Variants in TMEM87A observed in about 807,000 individuals in gnomAD.
TMEM87A encodes the protein transmembrane protein 87A.
TMEM87A carries 50 observed loss-of-function variants against 90.0 expected under a neutral mutation model. The ratio of observed to expected loss-of-function variants is 0.56; its 90% confidence interval spans 0.44 to 0.70. TMEM87A has a LOEUF of 0.70. Ranked by LOEUF, TMEM87A falls within the 30% of genes least tolerant of loss-of-function variation. The pLI, the probability that TMEM87A is intolerant of heterozygous loss-of-function variation, is 0.00. For synonymous variants in TMEM87A, 226 were observed against 226.7 expected (o/e 1.00, Z 0.03); for missense variants, 577 against 660.5 (o/e 0.87, Z 1.39).
rs779706409 is a variant in TMEM87A, at chr15:42,257,965, T to A, written c.504+2993A>T. On this transcript the variant is annotated intron_variant, in intron 6 of 19. Transcript: ENST00000389834. ...ACATAAAATTACAAAGGATTTTTAC[T>A]TTTAAGTTATAGAATTAAAAACTTA... 5.9e-4 allele frequency: 576 copies of A among 981,596 alleles called. 1 individual carries two copies. Among genetic ancestry groups the A allele is most frequent in the Non-Finnish European group, 6.7e-4 (557 of 826,554 alleles). The allele number at this position is 981,596 out of a possible 1,614,324, so 60.8% of individuals were successfully genotyped here.
At chr15:42,222,046 C>G (rs2412674) in intron 15 of TMEM87A, among the ~76,000 whole-genome samples, 1 of 152,302 alleles carries the variant, frequency 6.6e-6, no homozygotes, top group East Asian at 1.9e-4. Flanking sequence ...TGAGCCATCA[C>G]GCCTGGCCAA....
intron 7 of TMEM87A, among the ~76,000 whole-genome samples, chr15:42,242,596 G>C (rs1447780008): frequency 1.3e-5 from 2 of 151,948 alleles, no homozygotes; most frequent in East Asian, 3.9e-4. Context: ...CAGACAGAGA[G>C]AATATGCGTG....
intron 6 of TMEM87A, among the ~76,000 whole-genome samples, chr15:42,248,572 T>C (rs942584728): frequency 6.6e-6 from 1 of 152,204 alleles, no homozygotes; most frequent in Non-Finnish European, 1.5e-5. Context: ...TCTGTTTATG[T>C]GATGGATTAC....
intron 6 of TMEM87A, among the ~76,000 whole-genome samples, chr15:42,247,043 A>G (rs2050989316): frequency 3.3e-5 from 2 of 61,002 alleles, no homozygotes; most frequent in Admixed American, 4.6e-4. Flanking sequence ...TCTGATGACC[A>G]GTGATGATGA....
chr15:42,248,406 A>G (rs7163495), intron 6 of TMEM87A, among the ~76,000 whole-genome samples: 109,494 of 152,038 alleles, frequency 0.72, 42,264 homozygotes, highest in Non-Finnish European at 0.86. Flanking sequence ...TCAGTATGAT[A>G]TTGGCTGTGG....
intron 10 of TMEM87A, among the ~76,000 whole-genome samples, chr15:42,233,888 G>A (rs2050728979): frequency 6.6e-6 from 1 of 151,420 alleles, no homozygotes; most frequent in Non-Finnish European, 1.5e-5. Flanking sequence ...TCCCACCTCA[G>A]CCTCCCGAGT....
intron 4 of TMEM87A, chr15:42,262,087 T>G (rs1033532823): frequency 6.6e-6 from 1 of 152,200 alleles, no homozygotes; most frequent in African/African-American, 2.4e-5. Context: ...AATTCAACCC[T>G]GTTACATTAG....
In TMEM87A at chr15:42,265,192, T is replaced by C. The variant is rs190118600; in HGVS notation, c.292-989A>G. ...CATATATGTGCATATGTCTTTACGGTAGAATGATTTATATTACTTTGGATA... is the reference window on the plus strand; with the variant it reads ...CATATATGTGCATATGTCTTTACGGCAGAATGATTTATATTACTTTGGATA... On this transcript the variant is annotated intron_variant, in intron 3 of 19. Transcript: ENST00000389834. 3.8e-3 allele frequency among the ~76,000 whole-genome samples: 582 copies of C among 152,308 alleles called. 3 individuals carry two copies. The highest frequency in any genetic ancestry group is 7.4e-3 in the Admixed American group (113 of 15,304).
chr15:42,256,554 T>C (rs1209120045), intron 6 of TMEM87A, among the ~76,000 whole-genome samples: 2 of 152,236 alleles, frequency 1.3e-5, no homozygotes, highest in African/African-American at 4.8e-5. Flanking sequence ...TATTCCTAAA[T>C]ATTACTTGTG....
intron 15 of TMEM87A, among the ~76,000 whole-genome samples, chr15:42,222,516 A>C (rs2050511006): frequency 6.6e-6 from 1 of 151,772 alleles, no homozygotes; most frequent in Admixed American, 6.6e-5. Flanking sequence ...GAGAGTAGAG[A>C]GCCTAGAATC....
intron 3 of TMEM87A, among the ~76,000 whole-genome samples, chr15:42,267,595 T>C (rs10851407): frequency 0.72 from 109,537 of 152,084 alleles, 42,250 homozygotes; most frequent in Non-Finnish European, 0.86. Context: ...ACAATCCTAC[T>C]CTTCTGTGTG....
Position 42,273,421 on chromosome 15 carries a change from C to A in TMEM87A, c.-23G>T. The A allele has an allele frequency of 6.2e-7, 1 of 1,613,258 alleles. No homozygotes were observed. The highest frequency in any genetic ancestry group is 1.3e-5 in the African/African-American group (1 of 75,042). On this transcript the variant is annotated 5_prime_UTR_variant, in exon 1 of 20. Coordinates refer to ENST00000389834, the MANE Select transcript of TMEM87A (RefSeq NM_015497.5). Reference sequence around the variant, plus strand: ...CATCTTCACAGCCGTGGAGTGCCTACCGAAAGCATTTCACCCTCTTCCGGT... The same window carrying A: ...CATCTTCACAGCCGTGGAGTGCCTAACGAAAGCATTTCACCCTCTTCCGGT...
intron 19 of TMEM87A, among the ~76,000 whole-genome samples, chr15:42,214,755 G>A (rs2050352794): frequency 6.6e-6 from 1 of 152,126 alleles, no homozygotes; most frequent in Admixed American, 6.5e-5. Context: ...ACTCCTAGAA[G>A]ACAACCTAAG....
chr15:42,264,145 T>C lies in TMEM87A; in HGVS notation c.350A>G (p.Lys117Arg). The C allele has an allele frequency of 2.5e-6, 4 of 1,613,886 alleles. No individual in the cohort carries two copies. Among genetic ancestry groups the C allele is most frequent in the Non-Finnish European group, 3.4e-6 (4 of 1,179,898 alleles). Reference protein sequence around the residue: ...KLKEKRGLSGKYQTSSKLFQN... With the variant: ...KLKEKRGLSGRYQTSSKLFQN... ...GAACAATTTTGATGATGTTTGATAT[T>C]TCCCAGACAAGCCTCTTTTTTCCTT... is the stretch of plus-strand genomic sequence containing the variant. Residue 117 changes from lysine to arginine, a missense_variant, in exon 4 of 20, where the codon AAA (lysine) becomes AGA (arginine). Lys to Arg is a conservative substitution (Grantham distance 26). Coordinates refer to ENST00000389834, the MANE Select transcript of TMEM87A (RefSeq NM_015497.5).
chr15:42,261,477 A>G (rs1164284378), intron 4 of TMEM87A, among the ~76,000 whole-genome samples: 1 of 152,206 alleles, frequency 6.6e-6, no homozygotes, highest in Non-Finnish European at 1.5e-5. Context: ...CAATTTTTCT[A>G]TCAGAATAAT....
At chr15:42,233,018 C>T (rs1400559152) in intron 11 of TMEM87A, 195 bp downstream of exon 11, 9 of 349,978 alleles carry the variant, frequency 2.6e-5, no homozygotes, top group Admixed American at 1.4e-4. Flanking sequence ...AGCATTCATT[C>T]GGGCACACAC....
intron 7 of TMEM87A, among the ~76,000 whole-genome samples, chr15:42,240,168 T>C (rs2050843988): frequency 6.6e-6 from 1 of 152,236 alleles, no homozygotes; most frequent in Non-Finnish European, 1.5e-5. Context: ...GCCATCTTCT[T>C]TGTTTTCTAT....
rs147151635 is a variant in TMEM87A, at chr15:42,211,088, C to T, written c.*620G>A. The T allele has an allele frequency of 3.0e-4, 45 of 151,786 alleles. No homozygotes were observed. Among genetic ancestry groups the T allele is most frequent in the African/African-American group, 1.0e-3 (42 of 41,330 alleles). 9.4% of individuals were successfully genotyped at this position (151,786 alleles called of 1,614,324 possible). ...TATACACCATTTGTAAACAAAATTG[C>T]ACTTGATTTTGCTTTTTTAAATGAT... On this transcript the variant is annotated 3_prime_UTR_variant, in exon 20 of 20. Transcript: ENST00000389834.
chr15:42,273,064 C>A (rs1260352813), intron 1 of TMEM87A, 191 bp downstream of exon 1: 9 of 712,366 alleles, frequency 1.3e-5, no homozygotes, highest in Non-Finnish European at 1.4e-5. Context: ...TACATTCCCG[C>A]TAGCCTAATC....
Sources: gnomAD v4.1 joint callset for allele counts (sites outside exome capture counted in the v4.1 genomes callset) on GRCh38, gnomAD v4.1.1 for gene constraint, MANE v1.5 for transcripts, NCBI Gene and HGNC (gene_info 2026-07-23, HGNC 2026-07-21) for gene names.